TOGARAM2: variants seen among roughly 807,000 people sequenced by gnomAD.
TOGARAM2 encodes the protein TOG array regulator of axonemal microtubules protein 2.
TOGARAM2 carries 85 observed loss-of-function variants against 93.3 expected under a neutral mutation model. The ratio of observed to expected loss-of-function variants is 0.91; its 90% CI spans 0.76 to 1.09. The LOEUF (loss-of-function observed/expected upper bound fraction) is 1.09. Among genes scored for constraint, TOGARAM2 ranks in the 50% least tolerant of loss-of-function variants. The pLI is 0.00. For missense variants in TOGARAM2, 1,277 were observed against 1,334.5 expected, an observed-to-expected ratio of 0.96 and a Z score of 0.67; for synonymous variants, 593 against 552.8, an observed-to-expected ratio of 1.07 and a Z score of -1.02.
intron 18 of TOGARAM2, among the ~76,000 whole-genome samples, chr2:29,038,789 A>G (rs994588661): frequency 3.3e-5 from 5 of 152,174 alleles, no homozygotes; most frequent in South Asian, 4.1e-4. Flanking sequence ...CAGGTGAAGC[A>G]TGGGCTATCT....
At chr2:29,049,905 G>A (rs1427584055) in intron 19 of TOGARAM2, 2 of 152,208 alleles carry the variant, frequency 1.3e-5, no homozygotes, top group African/African-American at 2.4e-5. Context: ...GTCACCAAGA[G>A]AGTGTCAGGC....
rs534815443 is a variant in TOGARAM2, at chr2:29,040,309, AAAG to A, written c.2635+3556_2635+3558del. Among the ~76,000 whole-genome samples, 727 of 152,348 alleles carry A rather than the reference AAAG, an allele frequency of 4.8e-3. 4 individuals are homozygous for A. The highest frequency in any genetic ancestry group is 7.0e-3 in the Non-Finnish European group (475 of 68,032). ...ACCGAAAGTTCACTTCTACCACTGT[AAAG>A]AAGTCATACTTATTTTGAATAAATG... On this transcript the variant is annotated intron_variant, in intron 18 of 19. Transcript: ENST00000379558.
At chr2:29,001,569 C>T (rs1024168654) in intron 4 of TOGARAM2, among the ~76,000 whole-genome samples, 3 of 151,560 alleles carry the variant, frequency 2.0e-5, no homozygotes, top group African/African-American at 4.9e-5. Context: ...GGTGCGATCT[C>T]GGCTCACCGC....
chr2:29,005,632 GTGTGCATGTGTGTATGTGTGTGAGGGCA>G (rs1302904473), intron 6 of TOGARAM2, among the ~76,000 whole-genome samples: 11 of 51,044 alleles, frequency 2.2e-4, no homozygotes, highest in African/African-American at 3.3e-4. Context: ...TGTGGAGTGT[GTGTGCATGTGTGTATGTGTGTGAGGGCA>G]TGCATGTGTG....
At chr2:29,019,389 C>T (rs530181606) in intron 10 of TOGARAM2, among the ~76,000 whole-genome samples, 4 of 152,100 alleles carry the variant, frequency 2.6e-5, no homozygotes, top group South Asian at 2.1e-4. Context: ...AGGCTGGTCT[C>T]GAACTCTCGA....
chr2:29,041,874 G>A (rs932243012), intron 18 of TOGARAM2, among the ~76,000 whole-genome samples: 4 of 152,180 alleles, frequency 2.6e-5, no homozygotes, highest in East Asian at 3.8e-4. Context: ...GGCTCTCAGA[G>A]TTTTAAGGTA....
At position 28,983,633 on chromosome 2, in the gene TOGARAM2, C is replaced by T. The variant is rs567143553; in HGVS notation, c.-111+2095C>T. Among the ~76,000 whole-genome samples, 26 of 152,262 alleles carry T rather than the reference C, an allele frequency of 1.7e-4. No homozygotes were observed. In the South Asian group the frequency reaches 5.2e-3, roughly 30 times the overall value. On this transcript the variant is annotated intron_variant, in intron 1 of 19. Coordinates refer to ENST00000379558, the MANE Select transcript of TOGARAM2 (RefSeq NM_199280.4). ...CTCTGGACACTCTCGAGCTCCTTTC[C>T]TGGATCACCTGTGCAAGACTTTCTC...
In TOGARAM2 at chr2:29,045,345, C is replaced by A. The variant is rs751001736; in HGVS notation, c.2657C>A (p.Ala886Glu). Residue 886 changes from alanine to glutamate, a missense_variant, in exon 19 of 20, where the codon GCG (alanine) becomes GAG (glutamate). Ala to Glu is a moderately radical substitution (Grantham distance 107). Transcript: ENST00000379558. Reference sequence around the variant, plus strand: ...TCAGACAACCTTTGCCTTCTACCAGCGCTTGCTGGGCGAGTGCGTTTCCTG... The same window carrying A: ...TCAGACAACCTTTGCCTTCTACCAGAGCTTGCTGGGCGAGTGCGTTTCCTG... ...ESLDNLCLLP[A>E]LAGRVRFLSG... 2 of 1,613,478 alleles carry A rather than the reference C, an allele frequency of 1.2e-6. No homozygotes were observed. The highest frequency in any genetic ancestry group is 1.7e-6 in the Non-Finnish European group (2 of 1,179,862).
At chr2:29,045,220 G>A (rs1260011449) in intron 18 of TOGARAM2, 104 bp from the exon 19 acceptor site, 2 of 827,592 alleles carry the variant, frequency 2.4e-6, no homozygotes, top group Admixed American at 4.6e-5. Flanking sequence ...TCCCCCAAAG[G>A]CCTCATCCCC....
intron 8 of TOGARAM2, 46 bp from the exon 9 acceptor site, chr2:29,017,108 T>C (rs777743270): frequency 6.9e-6 from 11 of 1,590,004 alleles, no homozygotes; most frequent in African/African-American, 4.0e-5. Flanking sequence ...ATGTTGATGA[T>C]TGAATGAATG....
chr2:29,044,644 C>T (rs1368765047), intron 18 of TOGARAM2, among the ~76,000 whole-genome samples: 43 of 151,948 alleles, frequency 2.8e-4, no homozygotes, highest in Admixed American at 2.8e-3. Flanking sequence ...AAGCGTCTGT[C>T]TGCTTGTCAG....
chr2:29,045,294 G>T, intron 18 of TOGARAM2, 30 bp from the exon 19 acceptor site: 2 of 1,594,392 alleles, frequency 1.3e-6, no homozygotes, highest in Non-Finnish European at 1.7e-6. Flanking sequence ...CCCCAGCAGT[G>T]TGGCCACTGA....
At chr2:28,974,527 AC>A (rs1245418097) in intron 1 of TOGARAM2, among the ~76,000 whole-genome samples, 1 of 151,994 alleles carries the variant, frequency 6.6e-6, no homozygotes, top group Non-Finnish European at 1.5e-5. Context: ...TCAGACCCAC[AC>A]CCTTTCTCCT....
Position 29,023,172 on chromosome 2 carries a change from G to A in TOGARAM2, c.1598G>A (p.Cys533Tyr), listed in dbSNP as rs377317521. ...CTCACCGGGAAGCTGCACGACGTGTGCTTGGTGGTGACTGGGGAGGTGAGG... is the reference window on the plus strand; with the variant it reads ...CTCACCGGGAAGCTGCACGACGTGTACTTGGTGGTGACTGGGGAGGTGAGG... Reference protein sequence around the residue: ...EVLTGKLHDVCLVVTGEVTNL... With the variant: ...EVLTGKLHDVYLVVTGEVTNL... Residue 533 changes from cysteine (C) to tyrosine (Y), a missense_variant, in exon 12 of 20, where the codon TGC becomes TAC. Transcript: ENST00000379558. The A allele has an allele frequency of 1.9e-6, 3 of 1,594,252 alleles. No individual in the cohort carries two copies. The highest frequency in any genetic ancestry group is 2.7e-5 in the African/African-American group (2 of 74,700).
rs779230691 is a variant in TOGARAM2 at position 29,051,919 on chromosome 2, G to A, written c.2886G>A (p.Glu962=). 6.3e-7 allele frequency: 1 copy of A among 1,595,694 alleles called. No individual in the cohort carries two copies. The highest frequency in any genetic ancestry group is 8.5e-7 in the Non-Finnish European group (1 of 1,171,682). Residue 962 remains glutamate, a synonymous_variant, in exon 20 of 20, where the codon GAG becomes GAA. Coordinates refer to ENST00000379558, the MANE Select transcript of TOGARAM2 (RefSeq NM_199280.4). Reference sequence around the variant, plus strand: ...GCCGGCTGTCCAGGAGCCTCCAGGAGCACATGGGCTCCCGCCTGCTGGACT... The same window carrying A: ...GCCGGCTGTCCAGGAGCCTCCAGGAACACATGGGCTCCCGCCTGCTGGACT... ...VVCRLSRSLQ[E]HMGSRLLDFA...
At chr2:28,962,432 C>T (rs1278867894) in intron 1 of TOGARAM2, among the ~76,000 whole-genome samples, 1 of 152,052 alleles carries the variant, frequency 6.6e-6, no homozygotes, top group African/African-American at 2.4e-5. Flanking sequence ...CCTTGGGCTC[C>T]CAAAGTTCTG....
chr2:29,005,161 AGTGCATG>A (rs1467248969), intron 6 of TOGARAM2, among the ~76,000 whole-genome samples: 10 of 132,572 alleles, frequency 7.5e-5, no homozygotes, highest in African/African-American at 2.9e-4. Flanking sequence ...GTTGTGTGTG[AGTGCATG>A]TGTAAGGGCA....
intron 7 of TOGARAM2, among the ~76,000 whole-genome samples, chr2:29,013,397 C>T (rs374344562): frequency 6.6e-6 from 1 of 152,142 alleles, no homozygotes; most frequent in Non-Finnish European, 1.5e-5. Flanking sequence ...TTGGCTCACA[C>T]GATTACAAGG....
intron 14 of TOGARAM2, among the ~76,000 whole-genome samples, chr2:29,032,467 A>G (rs1572758595): frequency 6.6e-6 from 1 of 152,200 alleles, no homozygotes. Context: ...GATTGACTAC[A>G]CCCTCCTATA....
Sources: gnomAD v4.1 joint callset for allele counts (sites outside exome capture counted in the v4.1 genomes callset) on GRCh38, gnomAD v4.1.1 for gene constraint, MANE v1.5 for transcripts, NCBI Gene and HGNC (gene_info 2026-07-23, HGNC 2026-07-21) for gene names.